STK24: variants seen among roughly 807,000 people sequenced by gnomAD.
STK24 encodes the protein serine/threonine kinase 24, also known as serine/threonine-protein kinase 24.
STK24 carries 21 observed loss-of-function variants against 55.6 expected under a neutral mutation model. That is an observed-to-expected ratio of 0.38 (90% confidence interval 0.27 to 0.54). The LOEUF (loss-of-function observed/expected upper bound fraction) is 0.54. STK24 is among the 20% of genes least tolerant of loss of function. STK24 has a pLI of 0.79. For missense variants in STK24, 383 were observed against 538.4 expected (o/e 0.71, Z 2.86); for synonymous variants, 200 against 215.2 (o/e 0.93, Z 0.62).
At chr13:98,456,433 G>T in intron 10 of STK24, 1 of 482,690 alleles carries the variant, frequency 2.1e-6, no homozygotes. Flanking sequence ...TGGGGGTGTG[G>T]AGGACAGCCC....
At chr13:98,468,103 G>C (rs1893989400) in intron 5 of STK24, among the ~76,000 whole-genome samples, 1 of 152,214 alleles carries the variant, frequency 6.6e-6, no homozygotes, top group African/African-American at 2.4e-5. Flanking sequence ...TAACTATCCA[G>C]AGGATACACT....
Position 98,448,392 on chromosome 13 carries a change from G to T in STK24, c.*4781C>A. On this transcript the variant is annotated 3_prime_UTR_variant, in exon 11 of 11. Transcript: ENST00000539966. Reference sequence around the variant, plus strand: ...CCTTTCTTCTGTATTAATGAAGCCTGGTAAAATTAACACCTGTCTGAAAAT... The same window carrying T: ...CCTTTCTTCTGTATTAATGAAGCCTTGTAAAATTAACACCTGTCTGAAAAT... The T allele has an allele frequency of 8.5e-7, 1 of 1,179,682 alleles. No homozygotes were observed. The highest frequency in any genetic ancestry group is 1.3e-6 in the Non-Finnish European group (1 of 788,140). The allele number at this position is 1,179,682 out of a possible 1,614,324, so 73.1% of individuals were successfully genotyped here.
At position 98,448,532 on chromosome 13, in the gene STK24, G is replaced by C. The variant is rs1221158768; in HGVS notation, c.*4641C>G. On this transcript the variant is annotated 3_prime_UTR_variant, in exon 11 of 11. Transcript: ENST00000539966. ...CCTCCAGTCCTGGCATCCGCTGGGG[G>C]CGCTGTTCTTTAGCTAGTGCCAGTA... 1 of 565,976 alleles carries C rather than the reference G, an allele frequency of 1.8e-6. No individual in the cohort carries two copies. Among genetic ancestry groups the C allele is most frequent in the Admixed American group, 3.2e-5 (1 of 31,434 alleles). The allele number at this position is 565,976 out of a possible 1,614,324, so 35.1% of individuals were successfully genotyped here. A position where few individuals can be genotyped will look rare whatever the true frequency, so the allele number is the denominator to read the frequency against.
chr13:98,446,956 C>A lies in STK24; in HGVS notation c.*6217G>T. On this transcript the variant is annotated 3_prime_UTR_variant, in exon 11 of 11. Coordinates refer to ENST00000539966, the MANE Select transcript of STK24 (RefSeq NM_001032296.4). Reference sequence around the variant, plus strand: ...AGCGTTTAGACCTGGGGTCCCACTGCCCGACACCAGCAGGCGATTCTGTTC... The same window carrying A: ...AGCGTTTAGACCTGGGGTCCCACTGACCGACACCAGCAGGCGATTCTGTTC... The A allele has an allele frequency of 2.3e-6, 2 of 851,158 alleles. No individual in the cohort carries two copies. The highest frequency in any genetic ancestry group is 3.7e-6 in the Non-Finnish European group (2 of 545,392). The allele number at this position is 851,158 out of a possible 1,614,324, so 52.7% of individuals were successfully genotyped here.
chr13:98,554,287 G>C (rs962112932), intron 1 of STK24, among the ~76,000 whole-genome samples: 2 of 152,048 alleles, frequency 1.3e-5, no homozygotes, highest in African/African-American at 4.8e-5. Flanking sequence ...ACTTCCCAAA[G>C]ACATTTAATA....
chr13:98,569,871 G>A (rs1897694573), intron 1 of STK24, among the ~76,000 whole-genome samples: 2 of 149,600 alleles, frequency 1.3e-5, no homozygotes, highest in Middle Eastern at 3.5e-3. Context: ...AAAAACACAG[G>A]CAGAAATTTT....
chr13:98,556,728 T>C (rs1897297572), intron 1 of STK24, among the ~76,000 whole-genome samples: 1 of 152,164 alleles, frequency 6.6e-6, no homozygotes, highest in Admixed American at 6.5e-5. Flanking sequence ...CTACCCGATT[T>C]TTGCAGGTGC....
chr13:98,498,023 T>C (rs1206499521), intron 2 of STK24, among the ~76,000 whole-genome samples: 1 of 152,204 alleles, frequency 6.6e-6, no homozygotes, highest in Non-Finnish European at 1.5e-5. Context: ...AACAAAGTCT[T>C]ATGGATGCAT....
chr13:98,562,917 TAAAA>T (rs575288091), intron 1 of STK24, among the ~76,000 whole-genome samples: 1 of 109,136 alleles, frequency 9.2e-6, no homozygotes. Flanking sequence ...CTCCCTCTCT[TAAAA>T]AAAAAAAAAA....
chr13:98,477,694 C>T (rs1894429914), intron 3 of STK24, among the ~76,000 whole-genome samples: 1 of 149,908 alleles, frequency 6.7e-6, no homozygotes, highest in African/African-American at 2.5e-5. Flanking sequence ...AAAAAAAAGT[C>T]ACATTAGAGT....
intron 1 of STK24, among the ~76,000 whole-genome samples, chr13:98,550,948 C>T (rs974571457): frequency 1.3e-5 from 2 of 151,298 alleles, no homozygotes; most frequent in African/African-American, 2.4e-5. Flanking sequence ...TTAAGTTCAA[C>T]TTAAAAAAAA....
In STK24 at chr13:98,498,310, G is replaced by C. The variant is rs1019878449; in HGVS notation, c.274-15989C>G. On this transcript the variant is annotated intron_variant, in intron 2 of 10. Transcript: ENST00000539966. ...ACTGGACAAAGTGGTGAAAGACTAG[G>C]ATGAACTAAGGAATTCAAATGCTCA... Among the ~76,000 whole-genome samples the C allele has an allele frequency of 4.7e-4, 71 of 152,224 alleles. 2 individuals are homozygous for C. Among genetic ancestry groups the C allele is most frequent in the Non-Finnish European group, 2.9e-5 (2 of 68,046 alleles).
rs1366108175 is a variant in STK24 at position 98,446,092 on chromosome 13, T to C, written c.*7081A>G. The C allele has an allele frequency of 1.6e-5, 26 of 1,608,290 alleles. No homozygotes were observed. The highest frequency in any genetic ancestry group is 2.0e-5 in the Non-Finnish European group (24 of 1,174,878). On this transcript the variant is annotated 3_prime_UTR_variant, in exon 11 of 11. Transcript: ENST00000539966. ...TGTGCTTCTCACAGGCCTCCTTGCC[T>C]TTCAGAATCAGTTGTCTGGAAACCT... is the stretch of plus-strand genomic sequence containing the variant.
rs144895837 is a variant in STK24, at chr13:98,521,113, C to T, written c.43-1640G>A. Reference sequence around the variant, plus strand: ...CCAGCGTAATCCGAGGTCTAACGAGCGGCCAGGGATTACAAGGACTACAGT... The same window carrying T: ...CCAGCGTAATCCGAGGTCTAACGAGTGGCCAGGGATTACAAGGACTACAGT... On this transcript the variant is annotated intron_variant, in intron 1 of 10. Transcript: ENST00000539966. Among the ~76,000 whole-genome samples the T allele has an allele frequency of 6.3e-3, 956 of 152,312 alleles. 11 individuals carry two copies. The highest frequency in any genetic ancestry group is 0.021 in the African/African-American group (866 of 41,566).
At chr13:98,521,223 T>TA (rs1174011235) in intron 1 of STK24, among the ~76,000 whole-genome samples, 2 of 152,218 alleles carry the variant, frequency 1.3e-5, no homozygotes, top group Non-Finnish European at 2.9e-5. Flanking sequence ...AACTTCCACT[T>TA]AAAGTACTGC....
intron 2 of STK24, among the ~76,000 whole-genome samples, chr13:98,500,507 CA>C (rs1895411574): frequency 6.6e-6 from 1 of 152,200 alleles, no homozygotes; most frequent in Non-Finnish European, 1.5e-5. Flanking sequence ...AATACTGTAA[CA>C]GAAACCTGCT....
At chr13:98,492,391 G>C (rs1182586182) in intron 2 of STK24, among the ~76,000 whole-genome samples, 1 of 152,136 alleles carries the variant, frequency 6.6e-6, no homozygotes, top group Admixed American at 6.5e-5. Context: ...GGCCCAAAGA[G>C]GGCCCTTTCT....
intron 2 of STK24, among the ~76,000 whole-genome samples, chr13:98,501,533 C>T (rs543872222): frequency 6.6e-6 from 1 of 152,132 alleles, no homozygotes; most frequent in South Asian, 2.1e-4. Context: ...ACCACCTTAT[C>T]TGAATAATAA....
intron 2 of STK24, among the ~76,000 whole-genome samples, chr13:98,501,087 A>G (rs1895440875): frequency 6.6e-6 from 1 of 152,234 alleles, no homozygotes; most frequent in Non-Finnish European, 1.5e-5. Context: ...AACAATATTT[A>G]TATCACATTA....
Sources: gnomAD v4.1 joint callset for allele counts (sites outside exome capture counted in the v4.1 genomes callset) on GRCh38, gnomAD v4.1.1 for gene constraint, MANE v1.5 for transcripts, NCBI Gene and HGNC (gene_info 2026-07-23, HGNC 2026-07-21) for gene names.